The following PRPF4 variants were observed in gnomAD, a reference collection of about 807,000 sequenced individuals.
The protein encoded by PRPF4 is pre-mRNA splicing tri-snRNP complex factor PRPF4, also known as U4/U6 small nuclear ribonucleoprotein Prp4.
PRPF4 carries 14 observed loss-of-function variants against 72.2 expected under a neutral mutation model. The observed-to-expected ratio is 0.19, with a 90% CI of 0.13 to 0.30. The LOEUF is 0.30. Ranked by LOEUF, PRPF4 falls within the 10% of genes least tolerant of loss-of-function variation. PRPF4 has a pLI of 1.00. For synonymous variants in PRPF4, 225 were observed against 232.2 expected, an observed-to-expected ratio of 0.97 and a Z score of 0.28; for missense variants, 478 against 653.9, an observed-to-expected ratio of 0.73 and a Z score of 2.93.
chr9:113,282,279 C>G (rs1832303277), intron 3 of PRPF4, among the ~76,000 whole-genome samples: 1 of 152,190 alleles, frequency 6.6e-6, no homozygotes, highest in African/African-American at 2.4e-5. Context: ...TCAAGACTTG[C>G]CTGGGCAACA....
In PRPF4 at chr9:113,282,640, TAAC is replaced by T; in HGVS notation, c.393-4_393-2del. On this transcript the variant is annotated splice_region_variant and splice_polypyrimidine_tract_variant and intron_variant, in intron 3 of 13. Coordinates refer to ENST00000374198, the MANE Select transcript of PRPF4 (RefSeq NM_001244926.2). ...AAATTCTGATCTTTTTTTTTTTTTT[TAAC>T]AGGTTAAGAAATATCCTCTCAGTTG... 6.4e-7 allele frequency: 1 copy of T among 1,561,968 alleles called. No individual in the cohort carries two copies. The highest frequency in any genetic ancestry group is 8.7e-7 in the Non-Finnish European group (1 of 1,152,562).
At chr9:113,277,390 G>A (rs185402248) in intron 2 of PRPF4, among the ~76,000 whole-genome samples, 1 of 151,504 alleles carries the variant, frequency 6.6e-6, no homozygotes, top group African/African-American at 2.4e-5. Flanking sequence ...ATCTTTTTGT[G>A]TGTGTGTGTG....
Position 113,291,813 on chromosome 9 carries a change from TC to T in PRPF4, c.*155del. 1.3e-6 allele frequency: 1 copy of T among 785,426 alleles called. No individual in the cohort carries two copies. The highest frequency in any genetic ancestry group is 1.9e-6 in the Non-Finnish European group (1 of 512,898). 48.7% of individuals were successfully genotyped at this position (785,426 alleles called of 1,614,324 possible). ...ATTGGATTTCCATGTCAGCCCCCAC[TC>T]CAGGAAGGCAGCCCAATCCCTAGGT... On this transcript the variant is annotated 3_prime_UTR_variant, in exon 14 of 14. Transcript: ENST00000374198.
chr9:113,289,883 AAC>A (rs1832557927), intron 10 of PRPF4, among the ~76,000 whole-genome samples: 1 of 152,192 alleles, frequency 6.6e-6, no homozygotes, highest in Admixed American at 6.5e-5. Context: ...GAAAGAAGGT[AAC>A]AGAGTCTTTG....
chr9:113,277,513 T>G (rs897751743), intron 2 of PRPF4, among the ~76,000 whole-genome samples: 10 of 151,750 alleles, frequency 6.6e-5, no homozygotes, highest in African/African-American at 2.4e-4. Flanking sequence ...AGCCTCCCGA[T>G]TAGCTGAGAT....
intron 10 of PRPF4, among the ~76,000 whole-genome samples, chr9:113,289,347 A>G (rs868835601): frequency 6.6e-6 from 1 of 152,202 alleles, no homozygotes; most frequent in African/African-American, 2.4e-5. Context: ...ACATGAGTAC[A>G]ATTGCTGGGT....
In PRPF4 at chr9:113,292,819, T is replaced by G. The variant is rs955671670; in HGVS notation, c.*1159T>G. 6.6e-6 allele frequency: 1 copy of G among 152,218 alleles called. No individual in the cohort carries two copies. The highest frequency in any genetic ancestry group is 2.4e-5 in the African/African-American group (1 of 41,452). The allele number at this position is 152,218 out of a possible 1,614,324, so 9.4% of individuals were successfully genotyped here. A position where few individuals can be genotyped will look rare whatever the true frequency, so the allele number is the denominator to read the frequency against. ...GTGTTCCTAAACCTAAACCTTTTCT[T>G]TATTCCACATTTGCTACGGTAAAAT... On this transcript the variant is annotated 3_prime_UTR_variant, in exon 14 of 14. Transcript: ENST00000374198.
intron 2 of PRPF4, among the ~76,000 whole-genome samples, chr9:113,278,624 C>G (rs1307432973): frequency 1.3e-5 from 2 of 152,224 alleles, no homozygotes; most frequent in Non-Finnish European, 2.9e-5. Flanking sequence ...GTTACATCTT[C>G]TGGATAGACA....
intron 4 of PRPF4, 49 bp from the exon 5 acceptor site, chr9:113,283,083 G>A (rs766893270): frequency 1.9e-6 from 3 of 1,613,622 alleles, no homozygotes; most frequent in South Asian, 1.1e-5. Flanking sequence ...GTTATAAGAG[G>A]AGTAGAATGC....
chr9:113,289,711 G>A (rs919339033), intron 10 of PRPF4, among the ~76,000 whole-genome samples: 14 of 152,148 alleles, frequency 9.2e-5, no homozygotes, highest in African/African-American at 2.2e-4. Flanking sequence ...CAGTACCCTT[G>A]TTGAAAATCA....
At chr9:113,283,559 C>G in intron 6 of PRPF4, 77 bp downstream of exon 6, 1 of 1,493,864 alleles carries the variant, frequency 6.7e-7, no homozygotes, top group African/African-American at 1.4e-5. Context: ...TGGCTCACCT[C>G]TGGGAAGGTA....
Position 113,288,246 on chromosome 9 carries a change from G to A in PRPF4, c.1004G>A (p.Arg335His). ...VARVMWHPSG[R>H]FLGTTCYDRS... is the part of the protein sequence containing the mutation. Reference sequence around the variant, plus strand: ...CGGGTAATGTGGCATCCTTCAGGACGTTTCCTGGGCACCACCTGGTGAGCC... The same window carrying A: ...CGGGTAATGTGGCATCCTTCAGGACATTTCCTGGGCACCACCTGGTGAGCC... Residue 335 changes from arginine (R) to histidine (H), a missense_variant, in exon 10 of 14, where the codon CGT becomes CAT. Transcript: ENST00000374198. 2 of 1,614,168 alleles carry A rather than the reference G, an allele frequency of 1.2e-6. No individual in the cohort carries two copies.
chr9:113,289,706 C>A (rs920241875), intron 10 of PRPF4, among the ~76,000 whole-genome samples: 2 of 152,118 alleles, frequency 1.3e-5, no homozygotes, highest in African/African-American at 4.8e-5. Flanking sequence ...TGTTTCAGTA[C>A]CCTTGTTGAA....
At chr9:113,285,438 G>A (rs1832411412) in intron 7 of PRPF4, among the ~76,000 whole-genome samples, 2 of 129,004 alleles carry the variant, frequency 1.6e-5, no homozygotes, top group African/African-American at 6.0e-5. Context: ...GAGTGCAGTG[G>A]CGCGATCTCG....
intron 2 of PRPF4, 119 bp downstream of exon 2, chr9:113,276,844 C>G: frequency 8.6e-7 from 1 of 1,166,016 alleles, no homozygotes; most frequent in Non-Finnish European, 1.2e-6. Context: ...TAAACAGAGT[C>G]TCGCTCTGTC....
chr9:113,287,733 A>G (rs995803563), intron 9 of PRPF4, among the ~76,000 whole-genome samples: 12 of 152,318 alleles, frequency 7.9e-5, no homozygotes, highest in Non-Finnish European at 1.3e-4. Flanking sequence ...GCACATTGAC[A>G]AAGTTCCCTT....
rs369233186 is a variant in PRPF4, at chr9:113,284,272, T to G, written c.655-23T>G. On this transcript the variant is annotated intron_variant, in intron 6 of 13. Transcript: ENST00000374198. ...GATTAACCTATTAATGATCACCGTGTGTGTATTTTTTTTCTTTTTAAGTCT... is the reference window on the plus strand; with the variant it reads ...GATTAACCTATTAATGATCACCGTGGGTGTATTTTTTTTCTTTTTAAGTCT... 346 of 1,510,774 alleles carry G rather than the reference T, an allele frequency of 2.3e-4. 1 individual carries two copies. Among genetic ancestry groups the G allele is most frequent in the Non-Finnish European group, 3.1e-4 (332 of 1,086,856 alleles). 93.6% of individuals were successfully genotyped at this position (1,510,774 alleles called of 1,614,324 possible). A position where few individuals can be genotyped will look rare whatever the true frequency, so the allele number is the denominator to read the frequency against.
rs1275510890 is a variant in PRPF4 at position 113,291,967 on chromosome 9, CT to C, written c.*310del. Reference sequence around the variant, plus strand: ...GTGGCTCACGCCTGTAATCCTAGCACTTTGGGAGGCCGAGGTGGGTAGATCG... The same window carrying C: ...GTGGCTCACGCCTGTAATCCTAGCACTTGGGAGGCCGAGGTGGGTAGATCG... On this transcript the variant is annotated 3_prime_UTR_variant, in exon 14 of 14. Transcript: ENST00000374198. 5.5e-6 allele frequency: 1 copy of C among 181,452 alleles called. No homozygotes were observed. Among genetic ancestry groups the C allele is most frequent in the African/African-American group, 2.4e-5 (1 of 42,382 alleles). The allele number at this position is 181,452 out of a possible 1,614,324, so 11.2% of individuals were successfully genotyped here.
At position 113,290,994 on chromosome 9, in the gene PRPF4, A is replaced by G. The variant is rs746262209; in HGVS notation, c.1350A>G (p.Leu450=). The change falls in exon 13 of 14, where the codon TTA becomes TTG. Residue 450 remains leucine, a synonymous_variant. Transcript: ENST00000374198. Reference sequence around the variant, plus strand: ...ACACCATCCCTGCTCATCAGAACTTAGTGACTGGTGTCAAGTTTGAGCGTA... The same window carrying G: ...ACACCATCCCTGCTCATCAGAACTTGGTGACTGGTGTCAAGTTTGAGCGTA... The part of the protein sequence containing the change: ...CVYTIPAHQN[L]VTGVKFEPIH... 1.9e-6 allele frequency: 3 copies of G among 1,613,918 alleles called. No homozygotes were observed. The African/African-American group carries it at 4.0e-5, about 22-fold the overall frequency.
Sources: allele counts gnomAD v4.1 joint callset (sites outside exome capture counted in the v4.1 genomes callset), GRCh38; gene constraint gnomAD v4.1.1; transcripts MANE v1.5; gene names NCBI Gene and HGNC (gene_info 2026-07-23, HGNC 2026-07-21).